The following TRMT10A variants were observed in gnomAD, a reference collection of about 807,000 sequenced individuals.
TRMT10A encodes tRNA methyltransferase 10A, also known as tRNA methyltransferase 10 homolog A.
A neutral mutation model predicts 40.4 loss-of-function variants in TRMT10A; 37 were observed. The ratio of observed to expected loss-of-function variants is 0.92; its 90% CI spans 0.71 to 1.21. The LOEUF is 1.21. Among genes scored for constraint, TRMT10A ranks in the 50% most tolerant of loss-of-function variants. The pLI is 0.00. For missense variants in TRMT10A, 388 were observed against 404.3 expected (o/e 0.96, Z 0.35); for synonymous variants, 103 against 134.1 (o/e 0.77, Z 1.60).
chr4:99,559,087 G>A, intron 2 of TRMT10A, 67 bp downstream of exon 2: 2 of 1,422,724 alleles, frequency 1.4e-6, no homozygotes, highest in Non-Finnish European at 1.9e-6. Context: ...ATGCCAAAGG[G>A]CTATGCAAGG....
At chr4:99,549,804 G>C (rs985310583) in intron 7 of TRMT10A, among the ~76,000 whole-genome samples, 2 of 152,094 alleles carry the variant, frequency 1.3e-5, no homozygotes, top group African/African-American at 4.8e-5. Flanking sequence ...GTAGTCAAGA[G>C]TATCAATATT....
intron 6 of TRMT10A, among the ~76,000 whole-genome samples, chr4:99,553,326 A>G (rs1048370145): frequency 5.9e-5 from 9 of 152,332 alleles, no homozygotes; most frequent in African/African-American, 2.2e-4. Flanking sequence ...TATGGATGGG[A>G]AGAGAGAAAA....
intron 1 of TRMT10A, among the ~76,000 whole-genome samples, chr4:99,562,201 A>ATATGTGTGTGTG (rs374134499): frequency 2.2e-4 from 30 of 136,188 alleles, no homozygotes; most frequent in African/African-American, 8.0e-4. Context: ...ATATATATAT[A>ATATGTGTGTGTG]TGTGTGTGTG....
In TRMT10A at chr4:99,549,287, TG is replaced by T; in HGVS notation, c.820del (p.Gln274AsnfsTer43). The T allele has an allele frequency of 6.2e-7, 1 of 1,614,142 alleles. No homozygotes were observed. Among genetic ancestry groups the T allele is most frequent in the Non-Finnish European group, 8.5e-7 (1 of 1,179,992 alleles). On this transcript the variant is annotated frameshift_variant, in exon 8 of 8. Transcript: ENST00000394876. LOFTEE classifies it low-confidence loss of function (END_TRUNC). The part of the protein sequence containing the change: ...WQEAFFTILP[Q>X]RKGAVPTDKA... Reference sequence around the variant, plus strand: ...GTCTGTGGGAACAGCTCCTTTCCGTTGGGGCAAGATAGTAAAAAATGCTTCT... The same window carrying T: ...GTCTGTGGGAACAGCTCCTTTCCGTTGGGCAAGATAGTAAAAAATGCTTCT...
At chr4:99,562,201 ATG>A (rs60133760) in intron 1 of TRMT10A, among the ~76,000 whole-genome samples, 83 of 136,144 alleles carry the variant, frequency 6.1e-4, no homozygotes, top group Middle Eastern at 3.8e-3. Context: ...ATATATATAT[ATG>A]TGTGTGTGTG....
At chr4:99,553,566 C>T (rs1724044068) in intron 6 of TRMT10A, among the ~76,000 whole-genome samples, 1 of 152,096 alleles carries the variant, frequency 6.6e-6, no homozygotes, top group African/African-American at 2.4e-5. Context: ...GAATTCCTTA[C>T]TTGTGGAACG....
rs763507169 is a variant in TRMT10A, at chr4:99,557,369, G to C, written c.396C>G (p.Asn132Lys). 1.2e-6 allele frequency: 2 copies of C among 1,613,366 alleles called. No individual in the cohort carries two copies. The highest frequency in any genetic ancestry group is 2.7e-5 in the African/African-American group (2 of 74,888). Residue 132 changes from asparagine to lysine, a missense_variant, in exon 4 of 8, where the codon AAC (asparagine) becomes AAG (lysine). Physicochemically the swap from Asn to Lys is moderately conservative, Grantham distance 94 (BLOSUM62 0). Coordinates refer to ENST00000394876, the MANE Select transcript of TRMT10A (RefSeq NM_001134665.3). ...CCTGCACAGGATGCAGTGCCCGTCG[G>C]TTTTCTGCGTAACATCGTTGAATCT... ...HKQIQRCYAE[N>K]RRALHPVQFY... is the part of the protein sequence containing the mutation.
intron 1 of TRMT10A, chr4:99,563,349 T>C (rs1724531786): frequency 6.5e-6 from 1 of 153,430 alleles, no homozygotes; most frequent in Admixed American, 6.5e-5. Flanking sequence ...TTTATAAAAC[T>C]GTCCTCAGCT....
intron 5 of TRMT10A, among the ~76,000 whole-genome samples, chr4:99,554,714 C>T (rs1429995353): frequency 4.6e-5 from 5 of 108,662 alleles, no homozygotes; most frequent in East Asian, 5.6e-4. Flanking sequence ...GTGCAAGCGA[C>T]TACGTTTCAA....
chr4:99,563,964 G>C lies in TRMT10A; in HGVS notation c.-75C>G, dbSNP rs1461588301. Reference sequence around the variant, plus strand: ...AAATCTCAGAAAGAAAGCCTTTCTGGGTTGGCCTGGTTACGGCTCACGCTT... The same window carrying C: ...AAATCTCAGAAAGAAAGCCTTTCTGCGTTGGCCTGGTTACGGCTCACGCTT... On this transcript the variant is annotated 5_prime_UTR_variant, in exon 1 of 8. Coordinates refer to ENST00000394876, the MANE Select transcript of TRMT10A (RefSeq NM_001134665.3). The C allele has an allele frequency of 1.1e-5, 12 of 1,100,144 alleles. No individual in the cohort carries two copies. The highest frequency in any genetic ancestry group is 3.1e-5 in the African/African-American group (2 of 64,206). 68.1% of individuals were successfully genotyped at this position (1,100,144 alleles called of 1,614,324 possible). A position where few individuals can be genotyped will look rare whatever the true frequency, so the allele number is the denominator to read the frequency against.
At chr4:99,562,397 G>T (rs948487841) in intron 1 of TRMT10A, among the ~76,000 whole-genome samples, 8 of 151,130 alleles carry the variant, frequency 5.3e-5, no homozygotes, top group African/African-American at 1.5e-4. Context: ...GTTATGGATT[G>T]GGATAAAATA....
At chr4:99,552,046 G>A (rs1232548741) in intron 6 of TRMT10A, among the ~76,000 whole-genome samples, 1 of 151,952 alleles carries the variant, frequency 6.6e-6, no homozygotes, top group Non-Finnish European at 1.5e-5. Flanking sequence ...TAAGCTAAAT[G>A]TTATTACAAA....
intron 4 of TRMT10A, 141 bp from the exon 5 acceptor site, chr4:99,556,361 A>T: frequency 1.3e-6 from 1 of 744,518 alleles, no homozygotes; most frequent in Non-Finnish European, 2.1e-6. Flanking sequence ...AAAATTTGTG[A>T]CATGCTTTGA....
chr4:99,559,594 T>C (rs1431765312), intron 1 of TRMT10A, among the ~76,000 whole-genome samples: 2 of 152,206 alleles, frequency 1.3e-5, no homozygotes, highest in African/African-American at 4.8e-5. Flanking sequence ...TGGTACAATT[T>C]TTCCAGAAGG....
chr4:99,558,221 G>A lies in TRMT10A; in HGVS notation c.186-10C>T, dbSNP rs34135026. The A allele has an allele frequency of 0.045, 71,330 of 1,582,278 alleles. 2,332 individuals carry two copies. Among genetic ancestry groups the A allele is most frequent in the African/African-American group, 0.16 (11,689 of 72,870 alleles). ...TTCTTTTCGCTTTTGTCTAAAATTA[G>A]TAATTGAAATAACATTTTGTTATTG... is the stretch of plus-strand genomic sequence containing the variant. On this transcript the variant is annotated splice_polypyrimidine_tract_variant and intron_variant, in intron 2 of 7. Coordinates refer to ENST00000394876, the MANE Select transcript of TRMT10A (RefSeq NM_001134665.3).
intron 6 of TRMT10A, among the ~76,000 whole-genome samples, chr4:99,552,523 G>A (rs778973281): frequency 6.6e-6 from 1 of 151,934 alleles, no homozygotes; most frequent in Admixed American, 6.6e-5. Flanking sequence ...TATTGATATC[G>A]CTAAATGATG....
At chr4:99,556,325 ATATT>A (rs1194942080) in intron 4 of TRMT10A, 105 bp from the exon 5 acceptor site, 6 of 1,044,486 alleles carry the variant, frequency 5.7e-6, no homozygotes, top group African/African-American at 1.6e-5. Flanking sequence ...AACACAAAAT[ATATT>A]TATTCTCATT....
At chr4:99,562,199 A>ATGTGTGTGTGTGTGTTTGTG (rs565108332) in intron 1 of TRMT10A, among the ~76,000 whole-genome samples, 6 of 117,688 alleles carry the variant, frequency 5.1e-5, no homozygotes, top group African/African-American at 2.3e-4. Context: ...ATATATATAT[A>ATGTGTGTGTGTGTGTTTGTG]TATGTGTGTG....
At chr4:99,563,578 A>T in intron 1 of TRMT10A, 1 of 258,090 alleles carries the variant, frequency 3.9e-6, no homozygotes, top group South Asian at 3.7e-5. Flanking sequence ...CTACGGGCCG[A>T]TGGCAACCCC....
Sources: gnomAD v4.1 joint callset for allele counts (sites outside exome capture counted in the v4.1 genomes callset) on GRCh38, gnomAD v4.1.1 for gene constraint, MANE v1.5 for transcripts, NCBI Gene and HGNC (gene_info 2026-07-23, HGNC 2026-07-21) for gene names.